PLCL2: variants seen among roughly 807,000 people sequenced by gnomAD.
PLCL2 encodes the protein phospholipase C like 2.
Under a neutral mutation model 79.6 loss-of-function variants are expected in PLCL2, and 4 were observed. That is an observed-to-expected ratio of 0.05 (90% CI 0.02 to 0.11). PLCL2 has a LOEUF of 0.11. Ranked by LOEUF, PLCL2 falls within the 10% of genes least tolerant of loss-of-function variation. PLCL2 has a pLI of 1.00. For synonymous variants in PLCL2, 484 were observed against 457.7 expected (o/e 1.06, Z -0.73); for missense variants, 895 against 1,291.0 (o/e 0.69, Z 4.70).
intron 4 of PLCL2, among the ~76,000 whole-genome samples, chr3:17,047,592 T>A (rs2064794304): frequency 6.6e-6 from 1 of 152,230 alleles, no homozygotes; most frequent in South Asian, 2.1e-4. Flanking sequence ...AAGCTTTAAT[T>A]ACCCTTCATT....
intron 3 of PLCL2, among the ~76,000 whole-genome samples, chr3:17,038,725 A>T (rs911581295): frequency 6.6e-6 from 1 of 152,220 alleles, no homozygotes; most frequent in Non-Finnish European, 1.5e-5. Context: ...CTTTGGGTCA[A>T]TGTTAGTAGC....
intron 1 of PLCL2, among the ~76,000 whole-genome samples, chr3:16,888,336 C>G (rs1696271384): frequency 6.6e-6 from 1 of 152,188 alleles, no homozygotes; most frequent in Non-Finnish European, 1.5e-5. Context: ...ATGCACAGAT[C>G]TATACTAAAA....
At chr3:17,070,329 C>T (rs1011415429) in intron 5 of PLCL2, among the ~76,000 whole-genome samples, 3 of 152,192 alleles carry the variant, frequency 2.0e-5, no homozygotes, top group Non-Finnish European at 4.4e-5. Context: ...TAATGAAAAA[C>T]AGCTGACATA....
chr3:17,085,610 C>T (rs1026350372), intron 5 of PLCL2, among the ~76,000 whole-genome samples: 56 of 151,960 alleles, frequency 3.7e-4, no homozygotes, highest in Admixed American at 1.2e-3. Flanking sequence ...CCACCACGCC[C>T]GGCTAATTTT....
intron 1 of PLCL2, among the ~76,000 whole-genome samples, chr3:16,965,383 T>C (rs1278098434): frequency 1.3e-5 from 2 of 152,158 alleles, no homozygotes; most frequent in Non-Finnish European, 2.9e-5. Context: ...GGTCTATATG[T>C]CTGTTTTGGT....
chr3:17,048,312 T>A (rs145955904), intron 4 of PLCL2, among the ~76,000 whole-genome samples: 7 of 152,286 alleles, frequency 4.6e-5, no homozygotes, highest in Admixed American at 4.6e-4. Context: ...GGTCCACATA[T>A]ATGTGAGTTT....
intron 1 of PLCL2, among the ~76,000 whole-genome samples, chr3:16,914,815 A>G (rs1484055509): frequency 6.6e-6 from 1 of 152,106 alleles, no homozygotes; most frequent in Non-Finnish European, 1.5e-5. Flanking sequence ...TAGCAGCCTC[A>G]GCCTCCTAGA....
In PLCL2 at chr3:17,010,357, G is replaced by T; in HGVS notation, c.1011G>T (p.Glu337Asp). 1 of 1,614,008 alleles carries T rather than the reference G, an allele frequency of 6.2e-7. No individual in the cohort carries two copies. The highest frequency in any genetic ancestry group is 8.5e-7 in the Non-Finnish European group (1 of 1,179,972). Residue 337 changes from glutamate to aspartate, a missense_variant, in exon 2 of 6, where the codon GAG (glutamate) becomes GAT (aspartate). Coordinates refer to ENST00000615277, the MANE Select transcript of PLCL2 (RefSeq NM_001144382.2). The surrounding 1 kb of genome is among the most constrained non-coding windows in gnomAD (Gnocchi z 5.8). ...AAGAATTTATTGAGGTTTTTCATGA[G>T]CTTTGTACTAGACCTGAAATTTATT... is the stretch of plus-strand genomic sequence containing the variant. Reference protein sequence around the residue: ...TKEEFIEVFHELCTRPEIYFL... With the variant: ...TKEEFIEVFHDLCTRPEIYFL...
chr3:17,074,227 A>G (rs940071927), intron 5 of PLCL2, among the ~76,000 whole-genome samples: 5 of 152,248 alleles, frequency 3.3e-5, no homozygotes, highest in African/African-American at 7.2e-5. Flanking sequence ...TGAAAGCAAT[A>G]TTAATCTCCT....
At chr3:17,067,829 G>T in intron 4 of PLCL2, 127 bp from the exon 5 acceptor site, 3 of 553,610 alleles carry the variant, frequency 5.4e-6, no homozygotes, top group Non-Finnish European at 6.4e-6. Flanking sequence ...TTCTTAAATG[G>T]ACACATTTAT....
At chr3:16,906,042 C>A (rs1294152610) in intron 1 of PLCL2, among the ~76,000 whole-genome samples, 2 of 151,940 alleles carry the variant, frequency 1.3e-5, no homozygotes, top group Admixed American at 1.3e-4. Flanking sequence ...AGGCCCTTTT[C>A]CTTTGTAGGC....
intron 1 of PLCL2, among the ~76,000 whole-genome samples, chr3:16,977,644 T>C (rs1028195387): frequency 1.3e-5 from 2 of 152,194 alleles, no homozygotes; most frequent in Non-Finnish European, 2.9e-5. Flanking sequence ...TCATTGCAGA[T>C]TGTAGCCTTG....
At chr3:16,910,011 A>G (rs566416118) in intron 1 of PLCL2, among the ~76,000 whole-genome samples, 27 of 152,138 alleles carry the variant, frequency 1.8e-4, no homozygotes, top group Non-Finnish European at 3.7e-4. Flanking sequence ...TGATCTCTCC[A>G]TCCACACAAA....
chr3:17,060,077 G>T (rs2064933999), intron 4 of PLCL2, among the ~76,000 whole-genome samples: 1 of 152,114 alleles, frequency 6.6e-6, no homozygotes, highest in South Asian at 2.1e-4. Context: ...AGTGAGGAGG[G>T]TCTTGCTAAG....
chr3:17,053,040 A>G (rs973165751), intron 4 of PLCL2, among the ~76,000 whole-genome samples: 4 of 152,194 alleles, frequency 2.6e-5, no homozygotes, highest in Non-Finnish European at 1.5e-5. Context: ...CTGTTGTTGA[A>G]GGGTCAATTA....
intron 1 of PLCL2, among the ~76,000 whole-genome samples, chr3:16,960,356 C>T (rs1314767314): frequency 6.6e-6 from 1 of 152,182 alleles, no homozygotes; most frequent in Non-Finnish European, 1.5e-5. Flanking sequence ...TGCCTGTTAA[C>T]TCCTTTCCCA....
chr3:17,087,638 A>G (rs1277293534), intron 5 of PLCL2, among the ~76,000 whole-genome samples: 1 of 152,180 alleles, frequency 6.6e-6, no homozygotes, highest in African/African-American at 2.4e-5. Context: ...GGTGAGCCCT[A>G]ATTTAGGCAA....
chr3:16,962,423 C>CT (rs5846949), intron 1 of PLCL2, among the ~76,000 whole-genome samples: 51,225 of 143,802 alleles, frequency 0.36, 9,145 homozygotes, highest in African/African-American at 0.4. Flanking sequence ...CAGGAGCTTT[C>CT]TTTTTTTTTT....
intron 1 of PLCL2, among the ~76,000 whole-genome samples, chr3:16,948,627 A>T (rs7630953): frequency 6.6e-6 from 1 of 152,194 alleles, no homozygotes; most frequent in African/African-American, 2.4e-5. Flanking sequence ...GGTACAGAGC[A>T]TGGTCAGTGA....
Sources: gnomAD v4.1 joint callset for allele counts (sites outside exome capture counted in the v4.1 genomes callset) on GRCh38, gnomAD v4.1.1 for gene constraint, Gnocchi (gnomAD v3.1) non-coding constraint, MANE v1.5 for transcripts, NCBI Gene and HGNC (gene_info 2026-07-23, HGNC 2026-07-21) for gene names.